AACS: variants seen among roughly 807,000 people sequenced by gnomAD.
AACS encodes acetoacetate-CoA ligase.
AACS carries 69 observed loss-of-function variants against 83.1 expected under a neutral mutation model. The ratio of observed to expected loss-of-function variants is 0.83; its 90% CI spans 0.68 to 1.01. The LOEUF (loss-of-function observed/expected upper bound fraction) is 1.01. Among genes scored for constraint, AACS ranks in the 50% least tolerant of loss-of-function variants. The probability of loss-of-function intolerance (pLI) is 0.00; values close to 1 mark genes in which losing one functional copy is unlikely to be tolerated. For missense variants in AACS, 866 were observed against 882.2 expected (o/e 0.98, Z 0.23); for synonymous variants, 333 against 343.4 (o/e 0.97, Z 0.33).
intron 5 of AACS, among the ~76,000 whole-genome samples, chr12:125,098,758 C>A (rs1318806019): frequency 6.6e-6 from 1 of 152,242 alleles, no homozygotes; most frequent in African/African-American, 2.4e-5. Context: ...GCCCTCATTA[C>A]CTTTTCAAAC....
rs761829871 is a variant in AACS at position 125,124,944 on chromosome 12, C to T, written c.1229C>T (p.Thr410Ile). Reference protein sequence around the residue: ...SLQMLHTILSTGSPLKAQSYE... With the variant: ...SLQMLHTILSIGSPLKAQSYE... ...CAGATGCTCCACACGATCCTGTCCA[C>T]TGGCTCCCCACTGAAAGCCCAGAGC... is the stretch of plus-strand genomic sequence containing the variant. The change falls in exon 12 of 18, where the codon ACT becomes ATT. Residue 410 changes from threonine (T) to isoleucine (I), a missense_variant. Physicochemically the swap from Thr to Ile is moderately conservative, Grantham distance 89. Transcript: ENST00000316519. The T allele has an allele frequency of 1.9e-6, 3 of 1,614,252 alleles. No homozygotes were observed. Among genetic ancestry groups the T allele is most frequent in the Non-Finnish European group, 2.5e-6 (3 of 1,180,050 alleles).
chr12:125,142,294 A>T lies in AACS; in HGVS notation c.*65A>T. The T allele has an allele frequency of 6.3e-7, 1 of 1,583,344 alleles. No homozygotes were observed. The highest frequency in any genetic ancestry group is 8.6e-7 in the Non-Finnish European group (1 of 1,160,276). On this transcript the variant is annotated 3_prime_UTR_variant, in exon 18 of 18. Transcript: ENST00000316519. Reference sequence around the variant, plus strand: ...CACTGTAACTTTTGTGTGCTCAAGAAATTATACAGAAACCTACAGCTGTTG... The same window carrying T: ...CACTGTAACTTTTGTGTGCTCAAGATATTATACAGAAACCTACAGCTGTTG...
intron 1 of AACS, among the ~76,000 whole-genome samples, chr12:125,071,808 C>T (rs1459972165): frequency 1.3e-5 from 2 of 152,150 alleles, no homozygotes; most frequent in African/African-American, 4.8e-5. Flanking sequence ...GGGCTGGCCG[C>T]GTCTGCCTTC....
intron 7 of AACS, among the ~76,000 whole-genome samples, chr12:125,103,539 GTA>G (rs1374402786): frequency 5.1e-4 from 40 of 78,912 alleles, no homozygotes; most frequent in African/African-American, 1.1e-3. Flanking sequence ...GTGTACATGT[GTA>G]TGTATGGCTA....
intron 5 of AACS, chr12:125,101,816 G>C (rs1236322870): frequency 6.8e-6 from 1 of 146,216 alleles, no homozygotes; most frequent in Non-Finnish European, 1.5e-5. Context: ...GCCCAGGGTG[G>C]AGTGCAGTGG....
Position 125,102,671 on chromosome 12 carries a change from G to T in AACS, c.571-8G>T, listed in dbSNP as rs1431507932. 3 of 1,613,380 alleles carry T rather than the reference G, an allele frequency of 1.9e-6. No individual in the cohort carries two copies. The South Asian group carries it at 3.3e-5, about 18-fold the overall frequency. On this transcript the variant is annotated splice_polypyrimidine_tract_variant and splice_region_variant and intron_variant, in intron 5 of 17. Coordinates refer to ENST00000316519, the MANE Select transcript of AACS (RefSeq NM_023928.5). Reference sequence around the variant, plus strand: ...TGATCAATGATGACTTTTTCCTCCTGCTTTCAGGGTGTGCTGGACCGGTTT... The same window carrying T: ...TGATCAATGATGACTTTTTCCTCCTTCTTTCAGGGTGTGCTGGACCGGTTT...
intron 1 of AACS, among the ~76,000 whole-genome samples, chr12:125,068,902 C>T (rs891869394): frequency 3.3e-5 from 5 of 150,534 alleles, no homozygotes; most frequent in South Asian, 2.1e-4. Flanking sequence ...TGTGGTGGCG[C>T]GATCTCGGCT....
chr12:125,136,816 G>T lies in AACS; in HGVS notation c.1833G>T (p.Leu611Phe), dbSNP rs761504045. The T allele has an allele frequency of 3.7e-6, 6 of 1,613,838 alleles. No individual in the cohort carries two copies. The highest frequency in any genetic ancestry group is 1.3e-5 in the African/African-American group (1 of 74,912). ...TCCGTGACGCCATCCGCATGGGCTTGTCTGCGCGACACGTGCCCAGCCTCA... is the reference window on the plus strand; with the variant it reads ...TCCGTGACGCCATCCGCATGGGCTTTTCTGCGCGACACGTGCCCAGCCTCA... ...KRIRDAIRMG[L>F]SARHVPSLIL... The change falls in exon 17 of 18, where the codon TTG becomes TTT. Residue 611 changes from leucine (L) to phenylalanine (F), a missense_variant. Coordinates refer to ENST00000316519, the MANE Select transcript of AACS (RefSeq NM_023928.5).
rs377101889 is a variant in AACS at position 125,124,864 on chromosome 12, G to A, written c.1187-38G>A. On this transcript the variant is annotated intron_variant, in intron 11 of 17. Transcript: ENST00000316519. ...GCTTGCGAGTGAGGCTTCAGGCACT[G>A]GGTTTAGTTTTAATCTTTTGGTGAC... The A allele has an allele frequency of 1.1e-5, 18 of 1,613,944 alleles. No homozygotes were observed. The South Asian group carries it at 1.9e-4, about 17-fold the overall frequency.
chr12:125,097,400 T>A lies in AACS; in HGVS notation c.571-5279T>A, dbSNP rs963810727. On this transcript the variant is annotated intron_variant, in intron 5 of 17. Transcript: ENST00000316519. This position sits in a 1 kb window ranked among gnomAD's most constrained non-coding sequence, Gnocchi z 4.3. ...TACCTGTATGTCCCATGCACTTTTTTAAACTGATGCTGAAGTTGGCCAATG... is the reference window on the plus strand; with the variant it reads ...TACCTGTATGTCCCATGCACTTTTTAAAACTGATGCTGAAGTTGGCCAATG... 2.7e-5 allele frequency among the ~76,000 whole-genome samples: 4 copies of A among 150,670 alleles called. No individual in the cohort carries two copies. Among genetic ancestry groups the A allele is most frequent in the Non-Finnish European group, 4.4e-5 (3 of 67,754 alleles).
rs1227537047 is a variant in AACS at position 125,140,147 on chromosome 12, T to C, written c.1882-1945T>C. 1 of 152,132 alleles carries C rather than the reference T, an allele frequency of 6.6e-6. No homozygotes were observed. Among genetic ancestry groups the C allele is most frequent in the Admixed American group, 6.6e-5 (1 of 15,264 alleles). 9.4% of individuals were successfully genotyped at this position (152,132 alleles called of 1,614,324 possible). The stretch of plus-strand genomic sequence containing the variant: ...CCCGACTGCAGCCCTCAGGCAGCCA[T>C]GGCTGTCCCAAGTCCAGCGGGCCTT... On this transcript the variant is annotated intron_variant, in intron 17 of 17. Transcript: ENST00000316519. The surrounding 1 kb of genome is among the most constrained non-coding windows in gnomAD (Gnocchi z 5.1).
chr12:125,068,979 A>G (rs1955782694), intron 1 of AACS, among the ~76,000 whole-genome samples: 1 of 151,800 alleles, frequency 6.6e-6, no homozygotes, highest in African/African-American at 2.4e-5. Context: ...AGCTGGGATT[A>G]CAGGCATGCA....
chr12:125,100,488 C>A (rs1323543870), intron 5 of AACS, among the ~76,000 whole-genome samples: 1 of 152,220 alleles, frequency 6.6e-6, no homozygotes, highest in African/African-American at 2.4e-5. Context: ...CCCTGTCTGT[C>A]TGGTTCCCTG....
At chr12:125,119,463 A>G (rs1398712622) in intron 10 of AACS, among the ~76,000 whole-genome samples, 1 of 152,252 alleles carries the variant, frequency 6.6e-6, no homozygotes, top group African/African-American at 2.4e-5. Flanking sequence ...TTATAAAGAA[A>G]AAGAGGTTGA....
At chr12:125,121,982 C>T (rs1442473513) in intron 10 of AACS, 1 of 152,588 alleles carries the variant, frequency 6.6e-6, no homozygotes, top group East Asian at 1.9e-4. Context: ...CAGAGGCCAA[C>T]CTCAGGCTCT....
chr12:125,096,186 G>A (rs1439980670), intron 5 of AACS, among the ~76,000 whole-genome samples: 3 of 152,148 alleles, frequency 2.0e-5, no homozygotes, highest in African/African-American at 4.8e-5. Flanking sequence ...GGCTGGTCTC[G>A]ATCTCCTGAC....
rs1956337330 is a variant in AACS, at chr12:125,086,285, T to C, written c.359-45T>C. 2 of 1,563,262 alleles carry C rather than the reference T, an allele frequency of 1.3e-6. 1 individual carries two copies. The highest frequency in any genetic ancestry group is 2.7e-5 in the African/African-American group (2 of 73,442). Reference sequence around the variant, plus strand: ...TTCAGTGTCTGGCTTGCAACTTTTCTTTTTGCGGTGGTCTGTGTACAATTT... The same window carrying C: ...TTCAGTGTCTGGCTTGCAACTTTTCCTTTTGCGGTGGTCTGTGTACAATTT... On this transcript the variant is annotated intron_variant, in intron 3 of 17. Transcript: ENST00000316519.
Position 125,130,727 on chromosome 12 carries a change from GC to G in AACS, c.1549+1269del, listed in dbSNP as rs1384758858. ...TTATATTTCCATTTTTGCCTTGGCT[GC>G]CAGGAAACTCAGAGCTGAAATAATT... is the stretch of plus-strand genomic sequence containing the variant. On this transcript the variant is annotated intron_variant, in intron 14 of 17. Transcript: ENST00000316519. This position sits in a 1 kb window ranked among gnomAD's most constrained non-coding sequence, Gnocchi z 4.9. 6.6e-6 allele frequency among the ~76,000 whole-genome samples: 1 copy of G among 152,194 alleles called. No individual in the cohort carries two copies.
chr12:125,114,408 G>A, intron 8 of AACS, 69 bp from the exon 9 acceptor site: 1 of 1,340,232 alleles, frequency 7.5e-7, no homozygotes, highest in Non-Finnish European at 1.1e-6. Context: ...CAGCGCGTGG[G>A]CCAGGTACCA....
Sources: gnomAD v4.1 joint callset for allele counts (sites outside exome capture counted in the v4.1 genomes callset) on GRCh38, gnomAD v4.1.1 for gene constraint, Gnocchi (gnomAD v3.1) non-coding constraint, MANE v1.5 for transcripts, NCBI Gene and HGNC (gene_info 2026-07-23, HGNC 2026-07-21) for gene names.